Variants in RPTOR observed in about 807,000 individuals in gnomAD.
RPTOR encodes regulatory-associated protein of mTOR.
RPTOR carries 21 observed loss-of-function variants against 169.9 expected under a neutral mutation model. The ratio of observed to expected loss-of-function variants is 0.12; its 90% confidence interval spans 0.09 to 0.18. The LOEUF is 0.18. Among genes scored for constraint, RPTOR ranks in the 10% least tolerant of loss-of-function variants. The pLI is 1.00. For missense variants in RPTOR, 1,133 were observed against 1,855.9 expected, an observed-to-expected ratio of 0.61 and a Z score of 7.16; for synonymous variants, 732 against 753.2, an observed-to-expected ratio of 0.97 and a Z score of 0.46.
In RPTOR at chr17:80,906,694, C is replaced by T. The variant is rs558352695; in HGVS notation, c.2402-2117C>T. ...TGTCAGCTCCCAGAAAAGGTCCCAGCCTCTCATGATTCACGCCAGCACAGG... is the reference window on the plus strand; with the variant it reads ...TGTCAGCTCCCAGAAAAGGTCCCAGTCTCTCATGATTCACGCCAGCACAGG... On this transcript the variant is annotated intron_variant, in intron 20 of 33. Coordinates refer to ENST00000306801, the MANE Select transcript of RPTOR (RefSeq NM_020761.3). 1.1e-4 allele frequency among the ~76,000 whole-genome samples: 17 copies of T among 152,348 alleles called. 1 individual carries two copies. In the South Asian group the frequency reaches 3.5e-3, roughly 32 times the overall value.
intron 21 of RPTOR, among the ~76,000 whole-genome samples, chr17:80,916,432 T>C (rs1223489413): frequency 6.6e-6 from 1 of 152,330 alleles, no homozygotes; most frequent in East Asian, 1.9e-4. Context: ...CCAGCATGCA[T>C]GGCTGCGCAC....
At chr17:80,857,638 G>T (rs2067868488) in intron 12 of RPTOR, 152 bp from the exon 13 acceptor site, 1 of 583,620 alleles carries the variant, frequency 1.7e-6, no homozygotes, top group Admixed American at 3.0e-5. Flanking sequence ...TCTGGAGGAA[G>T]CCCCTCTTTA....
rs576570532 is a variant in RPTOR at position 80,936,843 on chromosome 17, C to T, written c.2920-3653C>T. 1.3e-5 allele frequency among the ~76,000 whole-genome samples: 2 copies of T among 152,214 alleles called. No homozygotes were observed. The highest frequency in any genetic ancestry group is 2.9e-5 in the Non-Finnish European group (2 of 68,048). Reference sequence around the variant, plus strand: ...AGGAGTGAACGTGCATAGCAAGCTCCGAGCTTCATTCAGAGCTTCTCCCCC... The same window carrying T: ...AGGAGTGAACGTGCATAGCAAGCTCTGAGCTTCATTCAGAGCTTCTCCCCC... On this transcript the variant is annotated intron_variant, in intron 24 of 33. Transcript: ENST00000306801. This position sits in a 1 kb window ranked among gnomAD's most constrained non-coding sequence, Gnocchi z 4.1.
At chr17:80,924,999 C>T (rs1277519314) in intron 23 of RPTOR, among the ~76,000 whole-genome samples, 1 of 152,250 alleles carries the variant, frequency 6.6e-6, no homozygotes, top group Non-Finnish European at 1.5e-5. Flanking sequence ...GGGGCCATCA[C>T]AGGAGCTGTC....
intron 1 of RPTOR, among the ~76,000 whole-genome samples, chr17:80,575,495 C>T (rs1599565743): frequency 6.6e-6 from 1 of 152,208 alleles, no homozygotes. Context: ...GTAGGGGGAG[C>T]CATCCACACC....
intron 3 of RPTOR, among the ~76,000 whole-genome samples, chr17:80,674,404 C>T (rs1431311916): frequency 2.6e-5 from 4 of 152,126 alleles, no homozygotes; most frequent in Non-Finnish European, 1.5e-5. Flanking sequence ...TTACACTCAG[C>T]ACTTTCACAG....
intron 1 of RPTOR, among the ~76,000 whole-genome samples, chr17:80,604,005 A>G (rs1401867274): frequency 2.6e-5 from 4 of 152,248 alleles, no homozygotes; most frequent in Admixed American, 2.0e-4. Flanking sequence ...CACCCCTGTA[A>G]GCAGGGCTTT....
intron 22 of RPTOR, among the ~76,000 whole-genome samples, 153 bp from the exon 23 acceptor site, chr17:80,923,337 C>T (rs1195138089): frequency 1.3e-5 from 2 of 152,178 alleles, no homozygotes; most frequent in Non-Finnish European, 2.9e-5. Flanking sequence ...AGCTGGGGTT[C>T]GGGAGCCATG....
chr17:80,548,513 C>T (rs1320797723), intron 1 of RPTOR, among the ~76,000 whole-genome samples: 6 of 150,836 alleles, frequency 4.0e-5, no homozygotes, highest in African/African-American at 9.7e-5. Context: ...TCCCAAGTAG[C>T]TGGGATTACA....
chr17:80,765,685 A>T (rs1309561484), intron 6 of RPTOR, among the ~76,000 whole-genome samples: 1 of 152,156 alleles, frequency 6.6e-6, no homozygotes, highest in African/African-American at 2.4e-5. Context: ...TCTCCTGCCC[A>T]GCGTCTCTCA....
intron 6 of RPTOR, among the ~76,000 whole-genome samples, chr17:80,790,457 G>A (rs571083411): frequency 9.9e-5 from 15 of 152,264 alleles, no homozygotes; most frequent in South Asian, 6.2e-4. Flanking sequence ...CCTCTGGCTC[G>A]TTGTCTTCCT....
At chr17:80,744,853 C>T (rs112085475) in intron 5 of RPTOR, among the ~76,000 whole-genome samples, 413 of 37,620 alleles carry the variant, frequency 0.011, 92 homozygotes, top group African/African-American at 0.052. Context: ...ACTGTCCTGG[C>T]TACTAGCACT....
chr17:80,645,591 T>C lies in RPTOR; in HGVS notation c.348+1781T>C, dbSNP rs1370102518. ...TTTTGAGTGCTAAGAGTTGATTTACTGCTGGCTTTATTATTAGTTTCGCTT... is the reference window on the plus strand; with the variant it reads ...TTTTGAGTGCTAAGAGTTGATTTACCGCTGGCTTTATTATTAGTTTCGCTT... On this transcript the variant is annotated intron_variant, in intron 3 of 33. Transcript: ENST00000306801. 2.0e-5 allele frequency among the ~76,000 whole-genome samples: 3 copies of C among 152,266 alleles called. No homozygotes were observed. In the East Asian group the frequency reaches 5.8e-4, roughly 29 times the overall value.
In RPTOR at chr17:80,545,606, ACTCCCCCACCCC is replaced by A; in HGVS notation, c.-14_-3del. ...GGTTCTCGAGCGCTTGCTGCCAAGG[ACTCCCCCACCCC>A]CTCCCCCACTGATGGAGTCCGAAAT... On this transcript the variant is annotated 5_prime_UTR_variant, in exon 1 of 34. Coordinates refer to ENST00000306801, the MANE Select transcript of RPTOR (RefSeq NM_020761.3). The A allele has an allele frequency of 6.4e-7, 1 of 1,571,816 alleles. No homozygotes were observed. Among genetic ancestry groups the A allele is most frequent in the East Asian group, 2.3e-5 (1 of 43,120 alleles).
chr17:80,846,673 G>A (rs2067734477), intron 11 of RPTOR, 99 bp downstream of exon 11: 1 of 982,662 alleles, frequency 1.0e-6, no homozygotes, highest in Non-Finnish European at 1.6e-6. Context: ...CCTGAGCCCT[G>A]TGGGTCTGTG....
At chr17:80,628,203 T>A (rs780757205) in intron 2 of RPTOR, among the ~76,000 whole-genome samples, 1 of 152,262 alleles carries the variant, frequency 6.6e-6, no homozygotes, top group Middle Eastern at 3.2e-3. Flanking sequence ...TTAAAAATAA[T>A]GAATGTCTTT....
chr17:80,794,452 C>A (rs2067080787), intron 7 of RPTOR, among the ~76,000 whole-genome samples: 1 of 152,208 alleles, frequency 6.6e-6, no homozygotes, highest in South Asian at 2.1e-4. Flanking sequence ...TGAGAACTCA[C>A]ATCACAGCTG....
chr17:80,566,742 T>G (rs1316121644), intron 1 of RPTOR, among the ~76,000 whole-genome samples: 1 of 138,426 alleles, frequency 7.2e-6, no homozygotes. Flanking sequence ...GAGAATGGCG[T>G]GAACCCGGGA....
intron 1 of RPTOR, among the ~76,000 whole-genome samples, chr17:80,618,862 G>GA (rs1302846469): frequency 6.6e-6 from 1 of 152,212 alleles, no homozygotes; most frequent in Non-Finnish European, 1.5e-5. Context: ...TTTGGTTGCA[G>GA]AAATTCAGTT....
Sources: gnomAD v4.1 joint callset for allele counts (sites outside exome capture counted in the v4.1 genomes callset) on GRCh38, gnomAD v4.1.1 for gene constraint, Gnocchi (gnomAD v3.1) non-coding constraint, MANE v1.5 for transcripts, NCBI Gene and HGNC (gene_info 2026-07-23, HGNC 2026-07-21) for gene names.